The following ADAMTSL1 variants were observed in gnomAD, a reference collection of about 807,000 sequenced individuals.
ADAMTSL1 encodes the protein ADAMTS-like protein 1.
ADAMTSL1 carries 126 observed loss-of-function variants against 201.8 expected under a neutral mutation model. The observed-to-expected ratio is 0.62, with a 90% CI of 0.54 to 0.72. The LOEUF is 0.72. Among genes scored for constraint, ADAMTSL1 ranks in the 30% least tolerant of loss-of-function variants. The pLI is 0.00. For synonymous variants in ADAMTSL1, 1,121 were observed against 903.4 expected (o/e 1.24, Z -4.32); for missense variants, 2,679 against 2,277.8 (o/e 1.18, Z -3.59).
chr9:18,159,835 T>C (rs551955322), intron 1 of ADAMTSL1, among the ~76,000 whole-genome samples: 1 of 152,190 alleles, frequency 6.6e-6, no homozygotes, highest in Admixed American at 6.5e-5. Context: ...ATAAAATGTA[T>C]ATTGCAGACA....
chr9:18,461,683 A>T (rs559335055), intron 2 of ADAMTSL1, among the ~76,000 whole-genome samples: 5 of 152,286 alleles, frequency 3.3e-5, no homozygotes, highest in Admixed American at 3.3e-4. Context: ...TCCAGCGCAG[A>T]CCTCAGGAGT....
intron 2 of ADAMTSL1, among the ~76,000 whole-genome samples, chr9:18,446,791 T>A (rs1820209234): frequency 6.6e-6 from 1 of 152,214 alleles, no homozygotes; most frequent in Admixed American, 6.5e-5. Flanking sequence ...CGGGTAATAG[T>A]GCTTGTCTTA....
chr9:18,897,196 G>T (rs530657412), intron 26 of ADAMTSL1, among the ~76,000 whole-genome samples: 1 of 152,194 alleles, frequency 6.6e-6, no homozygotes, highest in Admixed American at 6.5e-5. Flanking sequence ...TCCAACCTGG[G>T]TTATACTAAC....
intron 1 of ADAMTSL1, among the ~76,000 whole-genome samples, chr9:18,054,834 T>C (rs1310773161): frequency 6.6e-6 from 1 of 152,250 alleles, no homozygotes; most frequent in Admixed American, 6.5e-5. Flanking sequence ...AAAATTGACA[T>C]TATTTCCCTT....
Position 18,062,694 on chromosome 9 carries a change from C to T in ADAMTSL1, c.88-101168C>T, listed in dbSNP as rs534283354. On this transcript the variant is annotated intron_variant, in intron 1 of 29. Transcript: ENST00000680146. ...ACAAGATTCTAAAAATTTTAAAGTG[C>T]ATAATTGAATAATTATATTTTATCC... Among the ~76,000 whole-genome samples, 7 of 152,174 alleles carry T rather than the reference C, an allele frequency of 4.6e-5. No homozygotes were observed. The East Asian group carries it at 1.4e-3, about 29-fold the overall frequency.
chr9:18,539,689 G>C (rs927919569), intron 3 of ADAMTSL1, among the ~76,000 whole-genome samples: 5 of 152,134 alleles, frequency 3.3e-5, no homozygotes, highest in African/African-American at 2.4e-5. Context: ...ACAAGAATGA[G>C]GATTGTCCAA....
chr9:18,591,798 C>CA (rs1564074516), intron 4 of ADAMTSL1, among the ~76,000 whole-genome samples: 1 of 152,136 alleles, frequency 6.6e-6, no homozygotes, highest in African/African-American at 2.4e-5. Flanking sequence ...CATAAAAATT[C>CA]ATGCTTCAGG....
At chr9:17,984,162 T>G (rs1357924705) in intron 1 of ADAMTSL1, among the ~76,000 whole-genome samples, 1 of 152,180 alleles carries the variant, frequency 6.6e-6, no homozygotes, top group Non-Finnish European at 1.5e-5. Flanking sequence ...AGCAGATTCT[T>G]GTGATTTTTC....
intron 3 of ADAMTSL1, among the ~76,000 whole-genome samples, chr9:18,548,123 ACTAAAATTTG>A (rs1269598425): frequency 2.6e-5 from 4 of 152,036 alleles, no homozygotes; most frequent in African/African-American, 9.7e-5. Context: ...TTGTCTACTT[ACTAAAATTTG>A]CTTGTAACCC....
intron 23 of ADAMTSL1, among the ~76,000 whole-genome samples, chr9:18,857,746 AC>A (rs1826953631): frequency 6.6e-6 from 1 of 152,280 alleles, no homozygotes; most frequent in African/African-American, 2.4e-5. Context: ...CATTGAACTT[AC>A]CTGCATGAAC....
chr9:18,410,644 C>CTGAATA (rs1230158234), intron 2 of ADAMTSL1, among the ~76,000 whole-genome samples: 1 of 152,096 alleles, frequency 6.6e-6, no homozygotes, highest in Non-Finnish European at 1.5e-5. Context: ...AGGTTGATTC[C>CTGAATA]ATAACTTTGC....
At chr9:17,946,471 C>T (rs535466915) in intron 1 of ADAMTSL1, among the ~76,000 whole-genome samples, 86 of 152,184 alleles carry the variant, frequency 5.7e-4, no homozygotes, top group Non-Finnish European at 9.9e-4. Context: ...GTTTAGAAGA[C>T]ATTCTTTACT....
chr9:18,257,153 G>A (rs2132517225), intron 2 of ADAMTSL1, among the ~76,000 whole-genome samples: 1 of 152,296 alleles, frequency 6.6e-6, no homozygotes, highest in South Asian at 2.1e-4. Context: ...AAAATTAGAT[G>A]TCAGGTATGG....
chr9:17,951,159 G>C (rs1479096520), intron 1 of ADAMTSL1, among the ~76,000 whole-genome samples: 1 of 152,194 alleles, frequency 6.6e-6, no homozygotes, highest in African/African-American at 2.4e-5. Context: ...GGGCAAGGGA[G>C]TCCTTAGGGA....
At chr9:17,941,672 T>A (rs1162795652) in intron 1 of ADAMTSL1, among the ~76,000 whole-genome samples, 1 of 152,138 alleles carries the variant, frequency 6.6e-6, no homozygotes, top group Non-Finnish European at 1.5e-5. Context: ...ACCAGTGTAG[T>A]CATATGTATG....
At chr9:18,155,576 T>C (rs1827116517) in intron 1 of ADAMTSL1, among the ~76,000 whole-genome samples, 1 of 152,048 alleles carries the variant, frequency 6.6e-6, no homozygotes. Context: ...TTTTATATCA[T>C]CAGTTATCAT....
At chr9:17,994,059 T>C (rs1373031516) in intron 1 of ADAMTSL1, among the ~76,000 whole-genome samples, 1 of 151,712 alleles carries the variant, frequency 6.6e-6, no homozygotes, top group African/African-American at 2.4e-5. Flanking sequence ...TCATTACAGA[T>C]TATTGCTCCA....
intron 1 of ADAMTSL1, among the ~76,000 whole-genome samples, chr9:17,939,172 C>G (rs1755290): frequency 1.3e-5 from 2 of 152,000 alleles, no homozygotes; most frequent in African/African-American, 4.8e-5. Context: ...CCAGAAAATT[C>G]TCTTTATCTC....
intron 4 of ADAMTSL1, among the ~76,000 whole-genome samples, chr9:18,599,374 G>A (rs1027059343): frequency 6.6e-6 from 1 of 152,184 alleles, no homozygotes; most frequent in Non-Finnish European, 1.5e-5. Context: ...CTTGGGACAG[G>A]CATGGGCCTC....
Sources: gnomAD v4.1 joint callset for allele counts (sites outside exome capture counted in the v4.1 genomes callset) on GRCh38, gnomAD v4.1.1 for gene constraint, MANE v1.5 for transcripts, NCBI Gene and HGNC (gene_info 2026-07-23, HGNC 2026-07-21) for gene names.